FAM114A1: variants seen among roughly 807,000 people sequenced by gnomAD.
FAM114A1 encodes family with sequence similarity 114 member A1.
Under a neutral mutation model 64.3 loss-of-function variants are expected in FAM114A1, and 62 were observed. The observed-to-expected ratio is 0.96, with a 90% CI of 0.79 to 1.19. FAM114A1 has a LOEUF of 1.19. FAM114A1 is among the 50% of genes most tolerant of loss of function. The pLI, the probability that FAM114A1 is intolerant of heterozygous loss-of-function variation, is 0.00. For missense variants in FAM114A1, 645 were observed against 676.3 expected, an observed-to-expected ratio of 0.95 and a Z score of 0.51; for synonymous variants, 254 against 251.1, an observed-to-expected ratio of 1.01 and a Z score of -0.11.
At chr4:38,894,419 C>T (rs192905572) in intron 4 of FAM114A1, among the ~76,000 whole-genome samples, 2 of 152,222 alleles carry the variant, frequency 1.3e-5, no homozygotes, top group Non-Finnish European at 2.9e-5. Flanking sequence ...GAGGTAAATT[C>T]CTGTAGGCCA....
At chr4:38,902,338 C>A (rs1717596095) in intron 4 of FAM114A1, among the ~76,000 whole-genome samples, 1 of 152,186 alleles carries the variant, frequency 6.6e-6, no homozygotes, top group Non-Finnish European at 1.5e-5. Flanking sequence ...TCGGCCATAG[C>A]AGAGATTTCA....
chr4:38,901,363 G>A (rs938061014), intron 4 of FAM114A1, among the ~76,000 whole-genome samples: 13 of 152,114 alleles, frequency 8.5e-5, no homozygotes, highest in Non-Finnish European at 5.9e-5. Flanking sequence ...AACTCAGCTC[G>A]CTGCACCCAT....
intron 4 of FAM114A1, among the ~76,000 whole-genome samples, chr4:38,897,937 C>A (rs2109636382): frequency 1.3e-5 from 2 of 149,596 alleles, no homozygotes; most frequent in Non-Finnish European, 3.0e-5. Flanking sequence ...CAGAACAAGA[C>A]TCTGTTTCAA....
intron 10 of FAM114A1, among the ~76,000 whole-genome samples, chr4:38,929,837 G>A (rs1454723208): frequency 6.6e-6 from 1 of 152,194 alleles, no homozygotes; most frequent in Admixed American, 6.5e-5. Context: ...GAATGTGGTG[G>A]TGGAGAACAT....
chr4:38,926,076 T>C (rs1172774969), intron 9 of FAM114A1, among the ~76,000 whole-genome samples: 1 of 152,260 alleles, frequency 6.6e-6, no homozygotes, highest in African/African-American at 2.4e-5. Context: ...CTTTCACGTT[T>C]GTTGCAGTAT....
chr4:38,930,181 C>T (rs1213101451), intron 10 of FAM114A1, among the ~76,000 whole-genome samples: 1 of 152,196 alleles, frequency 6.6e-6, no homozygotes, highest in African/African-American at 2.4e-5. Flanking sequence ...TCTAATAATA[C>T]CACAGTGTGT....
At chr4:38,942,539 G>GT (rs1216146676) in intron 14 of FAM114A1, among the ~76,000 whole-genome samples, 2 of 152,064 alleles carry the variant, frequency 1.3e-5, no homozygotes, top group East Asian at 1.9e-4. Flanking sequence ...GAGGTCAAAT[G>GT]TTTTTTCCGT....
At chr4:38,917,291 T>C (rs976274444) in intron 8 of FAM114A1, among the ~76,000 whole-genome samples, 5 of 151,666 alleles carry the variant, frequency 3.3e-5, no homozygotes, top group African/African-American at 1.2e-4. Context: ...TAAGCCGAGA[T>C]CGTGCCACTG....
rs1204424316 is a variant in FAM114A1 at position 38,932,254 on chromosome 4, T to C, written c.1343T>C (p.Ile448Thr). The C allele has an allele frequency of 1.9e-6, 3 of 1,606,688 alleles. No homozygotes were observed. The highest frequency in any genetic ancestry group is 2.2e-5 in the East Asian group (1 of 44,844). The part of the protein sequence containing the change: ...KTIEEVYMSS[I>T]ESLAEVTARC... ...TTTCAGGAAGTATACATGTCGTCCA[T>C]TGAAAGTCTGGCGGAGGTAACAGCG... The change falls in exon 12 of 15, where the codon ATT (isoleucine) becomes ACT (threonine). Residue 448 changes from isoleucine to threonine, a missense_variant. Ile to Thr is a moderately conservative substitution (Grantham distance 89, BLOSUM62 -1). Coordinates refer to ENST00000358869, the MANE Select transcript of FAM114A1 (RefSeq NM_138389.4).
intron 3 of FAM114A1, among the ~76,000 whole-genome samples, chr4:38,880,515 AG>A (rs1715151014): frequency 6.6e-6 from 1 of 152,192 alleles, no homozygotes; most frequent in South Asian, 2.1e-4. Flanking sequence ...AGGAAGTAAA[AG>A]TGGGACATTA....
intron 9 of FAM114A1, among the ~76,000 whole-genome samples, chr4:38,928,211 G>A (rs1002435418): frequency 6.6e-6 from 1 of 152,158 alleles, no homozygotes; most frequent in Non-Finnish European, 1.5e-5. Context: ...TCAAGGCTCT[G>A]CCTTCCCCCA....
At chr4:38,870,262 C>T (rs1250155299) in intron 2 of FAM114A1, among the ~76,000 whole-genome samples, 1 of 152,234 alleles carries the variant, frequency 6.6e-6, no homozygotes. Context: ...TGGACATTTG[C>T]ACATGCTCTC....
intron 8 of FAM114A1, among the ~76,000 whole-genome samples, chr4:38,916,658 G>A (rs9759910): frequency 0.063 from 9,523 of 152,050 alleles, 768 homozygotes; most frequent in African/African-American, 0.18. Flanking sequence ...GAGGCCTGTC[G>A]GGGGTAGGGG....
chr4:38,902,470 G>A (rs771522588), intron 4 of FAM114A1, among the ~76,000 whole-genome samples: 11 of 152,118 alleles, frequency 7.2e-5, no homozygotes, highest in Non-Finnish European at 1.0e-4. Context: ...CATAAATGAT[G>A]GGAGCAGAAA....
intron 4 of FAM114A1, among the ~76,000 whole-genome samples, chr4:38,898,426 A>T (rs1448633035): frequency 6.6e-6 from 1 of 152,218 alleles, no homozygotes; most frequent in Admixed American, 6.5e-5. Context: ...AACTTGTCAA[A>T]ATGATACTAC....
chr4:38,882,435 G>A (rs1374974228), intron 3 of FAM114A1, among the ~76,000 whole-genome samples: 1 of 151,466 alleles, frequency 6.6e-6, no homozygotes, highest in African/African-American at 2.4e-5. Flanking sequence ...TTCGAGACCA[G>A]CCTGACCAAT....
At chr4:38,935,696 T>C (rs764460793) in intron 12 of FAM114A1, 22 bp from the exon 13 acceptor site, 8 of 472,820 alleles carry the variant, frequency 1.7e-5, no homozygotes, top group African/African-American at 4.4e-5. Flanking sequence ...ACATCCAAGC[T>C]TTTTTTTTTT....
chr4:38,932,435 T>C, intron 12 of FAM114A1, 61 bp downstream of exon 12: 1 of 1,414,496 alleles, frequency 7.1e-7, no homozygotes, highest in Non-Finnish European at 9.5e-7. Flanking sequence ...ACCATTCAGA[T>C]ACACACATAC....
At chr4:38,901,118 G>A (rs1717470331) in intron 4 of FAM114A1, among the ~76,000 whole-genome samples, 1 of 152,104 alleles carries the variant, frequency 6.6e-6, no homozygotes, top group Non-Finnish European at 1.5e-5. Flanking sequence ...AGCTAAAAGG[G>A]AGAAACTTTC....
Sources: gnomAD v4.1 joint callset for allele counts (sites outside exome capture counted in the v4.1 genomes callset) on GRCh38, gnomAD v4.1.1 for gene constraint, MANE v1.5 for transcripts, NCBI Gene and HGNC (gene_info 2026-07-23, HGNC 2026-07-21) for gene names.